SNX8: variants seen among roughly 807,000 people sequenced by gnomAD.
SNX8 encodes sorting nexin 8, also known as sorting nexin-8.
In SNX8, 25 loss-of-function variants were observed where a neutral mutation model predicts 51.6. The ratio of observed to expected loss-of-function variants is 0.48; its 90% CI spans 0.35 to 0.68. The LOEUF (loss-of-function observed/expected upper bound fraction) is 0.68. Among genes scored for constraint, SNX8 ranks in the 30% least tolerant of loss-of-function variants. The pLI, the probability that SNX8 is intolerant of heterozygous loss-of-function variation, is 0.00. For missense variants in SNX8, 695 were observed against 624.0 expected, an observed-to-expected ratio of 1.11 and a Z score of -1.21; for synonymous variants, 324 against 277.0, an observed-to-expected ratio of 1.17 and a Z score of -1.68.
intron 1 of SNX8, 107 bp downstream of exon 1, chr7:2,314,221 G>T (rs1000455929): frequency 2.3e-5 from 26 of 1,126,190 alleles, no homozygotes; most frequent in Middle Eastern, 3.4e-4. Context: ...GGGCGCGGGG[G>T]CAGGAAACGA....
intron 1 of SNX8, among the ~76,000 whole-genome samples, chr7:2,309,371 C>T (rs921444338): frequency 6.6e-6 from 1 of 152,106 alleles, no homozygotes; most frequent in Non-Finnish European, 1.5e-5. Context: ...ACTAAAAATA[C>T]AAAAATTAGC....
chr7:2,269,642 G>C lies in SNX8; in HGVS notation c.541-3C>G. The C allele has an allele frequency of 2.5e-6, 4 of 1,590,428 alleles. No homozygotes were observed. The highest frequency in any genetic ancestry group is 3.4e-6 in the Non-Finnish European group (4 of 1,168,508). ...TCCTTTAACTTGTTCTGCACATCCTGCAAAAGGAAAACACACAGCTTCACC... is the reference window on the plus strand; with the variant it reads ...TCCTTTAACTTGTTCTGCACATCCTCCAAAAGGAAAACACACAGCTTCACC... On this transcript the variant is annotated splice_polypyrimidine_tract_variant and splice_region_variant and intron_variant, in intron 4 of 10. Coordinates refer to ENST00000222990, the MANE Select transcript of SNX8 (RefSeq NM_013321.4).
At chr7:2,280,396 C>T (rs970762394) in intron 1 of SNX8, among the ~76,000 whole-genome samples, 12 of 151,562 alleles carry the variant, frequency 7.9e-5, no homozygotes, top group Non-Finnish European at 1.2e-4. Context: ...GGAAAATTAT[C>T]ACTTAAACTC....
Position 2,254,741 on chromosome 7 carries a change from A to C in SNX8, c.*315T>G. 2 of 402,612 alleles carry C rather than the reference A, an allele frequency of 5.0e-6. No homozygotes were observed. The highest frequency in any genetic ancestry group is 9.2e-6 in the Non-Finnish European group (2 of 218,554). The allele number at this position is 402,612 out of a possible 1,614,324, so 24.9% of individuals were successfully genotyped here. A position where few individuals can be genotyped will look rare whatever the true frequency, so the allele number is the denominator to read the frequency against. ...GGAGGCCCTGCCTCCACGCTCCCCC[A>C]GGCACAATCTCTGTGAGATGAGAGA... On this transcript the variant is annotated 3_prime_UTR_variant, in exon 11 of 11. Transcript: ENST00000222990.
rs555755407 is a variant in SNX8 at position 2,263,248 on chromosome 7, G to A, written c.897C>T (p.Ala299=). The change falls in exon 7 of 11, where the codon GCC becomes GCT. Residue 299 remains alanine (A), a synonymous_variant. Coordinates refer to ENST00000222990, the MANE Select transcript of SNX8 (RefSeq NM_013321.4). ...CACTCACCTGTTGTGCAGCCTTGTC[G>A]GCGAGCAGCGCGAATTCCACAGACA... ...KGLSVEFALL[A]DKAAQQGKQE... is the part of the protein sequence containing the mutation. The A allele has an allele frequency of 7.7e-5, 125 of 1,613,928 alleles. No homozygotes were observed. In the South Asian group the frequency reaches 9.3e-4, roughly 12 times the overall value.
chr7:2,327,115 T>A (rs375315529), intron 1 of SNX8, among the ~76,000 whole-genome samples: 1 of 152,160 alleles, frequency 6.6e-6, no homozygotes, highest in African/African-American at 2.4e-5. Flanking sequence ...TTCTTCCAGC[T>A]TCTGGTGTTT....
At chr7:2,309,000 G>A (rs1022876071) in intron 1 of SNX8, among the ~76,000 whole-genome samples, 1 of 151,986 alleles carries the variant, frequency 6.6e-6, no homozygotes, top group African/African-American at 2.4e-5. Context: ...TGTTGGCCAG[G>A]CTGGTCTTGA....
chr7:2,292,157 G>A (rs1796164432), intron 1 of SNX8, among the ~76,000 whole-genome samples: 1 of 151,996 alleles, frequency 6.6e-6, no homozygotes, highest in South Asian at 2.1e-4. Flanking sequence ...CAGCTACTTG[G>A]GAGGCTGAGG....
chr7:2,279,897 T>G (rs1048184790), intron 1 of SNX8, among the ~76,000 whole-genome samples: 4 of 152,174 alleles, frequency 2.6e-5, no homozygotes, highest in Admixed American at 2.6e-4. Context: ...TATGTACAAG[T>G]TTTGTGTGAA....
chr7:2,258,741 C>T (rs755624518), intron 7 of SNX8, among the ~76,000 whole-genome samples: 4 of 152,192 alleles, frequency 2.6e-5, no homozygotes, highest in Non-Finnish European at 5.9e-5. Flanking sequence ...GCAGAAGCAC[C>T]ACACTCGGCG....
At chr7:2,344,879 C>T (rs1453326349) in intron 1 of SNX8, among the ~76,000 whole-genome samples, 2 of 152,106 alleles carry the variant, frequency 1.3e-5, no homozygotes, top group Non-Finnish European at 2.9e-5. Flanking sequence ...CCTTTTAGAT[C>T]CTTTTAATAA....
chr7:2,269,521 A>AT (rs765600375), intron 5 of SNX8, 38 bp downstream of exon 5: 100 of 1,192,718 alleles, frequency 8.4e-5, no homozygotes, highest in African/African-American at 7.1e-4. Flanking sequence ...AAAAAAATAA[A>AT]TTAAAAAAAA....
At chr7:2,290,628 G>A (rs996657694) in intron 1 of SNX8, among the ~76,000 whole-genome samples, 7 of 152,180 alleles carry the variant, frequency 4.6e-5, no homozygotes, top group African/African-American at 1.4e-4. Context: ...AACTTAATTT[G>A]GGGCCAGGAG....
intron 1 of SNX8, among the ~76,000 whole-genome samples, chr7:2,333,602 G>T (rs186018245): frequency 4.6e-5 from 7 of 152,200 alleles, no homozygotes; most frequent in Admixed American, 4.6e-4. Flanking sequence ...TCAAGATAAT[G>T]TGGTATTGTC....
At chr7:2,321,050 A>G (rs901587394) in intron 1 of SNX8, among the ~76,000 whole-genome samples, 2 of 152,150 alleles carry the variant, frequency 1.3e-5, no homozygotes, top group African/African-American at 2.4e-5. Flanking sequence ...AAAAATAAAA[A>G]CAAAAACGAA....
intron 1 of SNX8, among the ~76,000 whole-genome samples, chr7:2,348,950 C>CAAAAAAAA (rs60816121): frequency 3.6e-5 from 2 of 55,728 alleles, no homozygotes; most frequent in Non-Finnish European, 6.6e-5. Context: ...GACTCTGTCT[C>CAAAAAAAA]AAAAAAAAAA....
At position 2,325,498 on chromosome 7, in the gene SNX8, C is replaced by T. The variant is rs114486100; in HGVS notation, c.-66+28724G>A. 2.7e-3 allele frequency among the ~76,000 whole-genome samples: 405 copies of T among 152,096 alleles called. 3 individuals carry two copies. The highest frequency in any genetic ancestry group is 8.1e-3 in the African/African-American group (336 of 41,500). The stretch of plus-strand genomic sequence containing the variant: ...AACAGACTCTTGGTAACAATACAGA[C>T]GTTAAAGGTGCTGCTGATGAGGGCT... On this transcript the variant is annotated intron_variant, in intron 1 of 5. Coordinates refer to the SNX8 transcript ENST00000435336.
Position 2,256,901 on chromosome 7 carries a change from G to A in SNX8, c.1257C>T (p.Val419=). ...CCTTGTGCCCTTGGATCTGAGAGTT[G>A]ACGAAGGCGCGGAGGATGTGGGAGG... is the stretch of plus-strand genomic sequence containing the variant. ...PLTSHILRAF[V]NSQIQGHKEM... Residue 419 remains valine (V), a synonymous_variant, in exon 10 of 11, where the codon GTC becomes GTT. Coordinates refer to ENST00000222990, the MANE Select transcript of SNX8 (RefSeq NM_013321.4). 1 of 1,613,466 alleles carries A rather than the reference G, an allele frequency of 6.2e-7. No homozygotes were observed. The highest frequency in any genetic ancestry group is 8.5e-7 in the Non-Finnish European group (1 of 1,179,786).
chr7:2,302,135 G>A (rs1316939554), intron 1 of SNX8, among the ~76,000 whole-genome samples: 2 of 151,758 alleles, frequency 1.3e-5, no homozygotes, highest in African/African-American at 4.9e-5. Context: ...TCTTTCCACG[G>A]TCTCCCTCTG....
Sources: allele counts gnomAD v4.1 joint callset (sites outside exome capture counted in the v4.1 genomes callset), GRCh38; gene constraint gnomAD v4.1.1; transcripts MANE v1.5; gene names NCBI Gene and HGNC (gene_info 2026-07-23, HGNC 2026-07-21).